PDE9A: variants seen among roughly 807,000 people sequenced by gnomAD.
The protein encoded by PDE9A is phosphodiesterase 9A.
A neutral mutation model predicts 87.4 loss-of-function variants in PDE9A; 60 were observed. The ratio of observed to expected loss-of-function variants is 0.69; its 90% CI spans 0.56 to 0.85. The LOEUF is 0.85. Ranked by LOEUF, PDE9A falls within the 40% of genes least tolerant of loss-of-function variation. PDE9A has a pLI of 0.00. For synonymous variants in PDE9A, 272 were observed against 279.4 expected, an observed-to-expected ratio of 0.97 and a Z score of 0.27; for missense variants, 665 against 779.0, an observed-to-expected ratio of 0.85 and a Z score of 1.74.
At chr21:42,773,403 C>T (rs528905434) in intron 19 of PDE9A, among the ~76,000 whole-genome samples, 4 of 152,254 alleles carry the variant, frequency 2.6e-5, no homozygotes, top group Non-Finnish European at 5.9e-5. Flanking sequence ...AAACTTTTCA[C>T]AAATCACGTG....
intron 2 of PDE9A, among the ~76,000 whole-genome samples, chr21:42,686,746 C>T (rs1020191435): frequency 1.5e-4 from 23 of 152,154 alleles, no homozygotes; most frequent in Admixed American, 8.5e-4. Context: ...ACCCTGGAGG[C>T]AGAGGTTGTA....
At chr21:42,661,406 C>T (rs1448880307) in intron 1 of PDE9A, among the ~76,000 whole-genome samples, 2 of 150,888 alleles carry the variant, frequency 1.3e-5, no homozygotes, top group African/African-American at 4.9e-5. Flanking sequence ...CTCCCCCAGC[C>T]CCTGACCCCC....
intron 3 of PDE9A, chr21:42,689,563 G>A (rs2059673242): frequency 2.0e-6 from 2 of 985,430 alleles, no homozygotes; most frequent in East Asian, 1.1e-4. Flanking sequence ...ATGCCAGCTG[G>A]GTATCTGAGA....
intron 1 of PDE9A, among the ~76,000 whole-genome samples, chr21:42,681,933 AG>A (rs2059186998): frequency 6.6e-6 from 1 of 152,218 alleles, no homozygotes. Context: ...GAGGCAGCCT[AG>A]GGGTCCTCCC....
In PDE9A at chr21:42,653,769, T is replaced by G. The variant is rs1601827237; in HGVS notation, c.-46T>G. 7 of 1,010,102 alleles carry G rather than the reference T, an allele frequency of 6.9e-6. No individual in the cohort carries two copies. The highest frequency in any genetic ancestry group is 1.5e-5 in the South Asian group (1 of 64,724). 62.6% of individuals were successfully genotyped at this position (1,010,102 alleles called of 1,614,324 possible). A position where few individuals can be genotyped will look rare whatever the true frequency, so the allele number is the denominator to read the frequency against. On this transcript the variant is annotated 5_prime_UTR_variant, in exon 1 of 20. Transcript: ENST00000291539. ...CCCCCGCCTCCCGCGGCGGCTGGCG[T>G]CGGGAAAGTACAGTAAAAAGTCCGA...
chr21:42,765,653 A>C, intron 15 of PDE9A, 159 bp downstream of exon 15: 1 of 650,376 alleles, frequency 1.5e-6, no homozygotes, highest in Non-Finnish European at 2.8e-6. Flanking sequence ...TCTTACTAGG[A>C]AAGTCCGGGC....
intron 1 of PDE9A, among the ~76,000 whole-genome samples, chr21:42,668,742 C>T (rs1359976766): frequency 3.9e-5 from 6 of 152,184 alleles, no homozygotes; most frequent in Non-Finnish European, 5.9e-5. Context: ...CAGATGCCGG[C>T]GCGGGGGAAA....
In PDE9A at chr21:42,722,935, G is replaced by T. The variant is rs1028408654; in HGVS notation, c.263-8835G>T. On this transcript the variant is annotated intron_variant, in intron 4 of 19. Transcript: ENST00000291539. This position sits in a 1 kb window ranked among gnomAD's most constrained non-coding sequence, Gnocchi z 4.1. ...CCTGGAAGAAGTGGGCGAGGCAGAG[G>T]CTTGAACTATCCACTCAGACCAAGG... Among the ~76,000 whole-genome samples, 3 of 152,234 alleles carry T rather than the reference G, an allele frequency of 2.0e-5. No individual in the cohort carries two copies. The highest frequency in any genetic ancestry group is 4.4e-5 in the Non-Finnish European group (3 of 68,044).
intron 9 of PDE9A, among the ~76,000 whole-genome samples, chr21:42,753,735 G>T (rs565355306): frequency 1.1e-4 from 17 of 152,022 alleles, no homozygotes; most frequent in Non-Finnish European, 1.9e-4. Context: ...ATGGTGGCGG[G>T]CGCCTGCAGT....
intron 1 of PDE9A, among the ~76,000 whole-genome samples, chr21:42,670,567 TACACAC>T (rs375020882): frequency 4.0e-5 from 6 of 149,074 alleles, no homozygotes; most frequent in Non-Finnish European, 8.9e-5. Flanking sequence ...CATTCACACA[TACACAC>T]ACCACATACA....
rs1197356167 is a variant in PDE9A, at chr21:42,726,624, A to ATTTTTTT, written c.263-5135_263-5129dup. ...TATATATATATATATATATATATAT[A>ATTTTTTT]TTTTTTTTTTTTTTTTTGTAGAGAT... On this transcript the variant is annotated intron_variant, in intron 4 of 19. Transcript: ENST00000291539. Among the ~76,000 whole-genome samples the ATTTTTTT allele has an allele frequency of 1.0e-3, 20 of 19,774 alleles. 2 individuals are homozygous for ATTTTTTT. The highest frequency in any genetic ancestry group is 4.1e-3 in the South Asian group (1 of 246). The allele number at this position is 19,774 out of a possible 152,430, so 13.0% of individuals were successfully genotyped here. A position where few individuals can be genotyped will look rare whatever the true frequency, so the allele number is the denominator to read the frequency against.
intron 4 of PDE9A, among the ~76,000 whole-genome samples, chr21:42,719,171 A>G (rs2050236745): frequency 6.6e-6 from 1 of 151,732 alleles, no homozygotes; most frequent in Non-Finnish European, 1.5e-5. Context: ...GGTAGTTTAT[A>G]CAGAATTTGG....
chr21:42,688,065 G>A, intron 3 of PDE9A, 71 bp downstream of exon 3: 6 of 1,266,976 alleles, frequency 4.7e-6, no homozygotes, highest in Non-Finnish European at 6.9e-6. Flanking sequence ...GGCTTTCTGT[G>A]ATTTTGTAAA....
At chr21:42,712,008 G>T (rs1464639253) in intron 4 of PDE9A, among the ~76,000 whole-genome samples, 1 of 151,902 alleles carries the variant, frequency 6.6e-6, no homozygotes, top group Non-Finnish European at 1.5e-5. Flanking sequence ...CTCTGCATTT[G>T]TTTTGACTGT....
intron 4 of PDE9A, among the ~76,000 whole-genome samples, chr21:42,711,325 A>T (rs2049324831): frequency 6.7e-6 from 1 of 150,126 alleles, no homozygotes; most frequent in Non-Finnish European, 1.5e-5. Flanking sequence ...CGATAAGCTC[A>T]CTGCAACCTC....
rs531427878 is a variant in PDE9A at position 42,705,194 on chromosome 21, G to A, written c.262+6183G>A. Among the ~76,000 whole-genome samples, 2 of 152,254 alleles carry A rather than the reference G, an allele frequency of 1.3e-5. No homozygotes were observed. Among genetic ancestry groups the A allele is most frequent in the East Asian group, 3.9e-4 (2 of 5,162 alleles). ...ATGCTCTCTTCGCCTGATCATGGGAGGGAATCAAATGGATAGAGCATTTAT... is the reference window on the plus strand; with the variant it reads ...ATGCTCTCTTCGCCTGATCATGGGAAGGAATCAAATGGATAGAGCATTTAT... On this transcript the variant is annotated intron_variant, in intron 4 of 19. Coordinates refer to ENST00000291539, the MANE Select transcript of PDE9A (RefSeq NM_002606.3). This position sits in a 1 kb window ranked among gnomAD's most constrained non-coding sequence, Gnocchi z 4.3.
chr21:42,750,572 T>C (rs1181104461), intron 8 of PDE9A, among the ~76,000 whole-genome samples: 1 of 97,906 alleles, frequency 1.0e-5, no homozygotes, highest in East Asian at 4.6e-4. Flanking sequence ...GACTTTTTTT[T>C]CTTTTTTTTT....
At chr21:42,676,300 C>T (rs945400898) in intron 1 of PDE9A, among the ~76,000 whole-genome samples, 5 of 152,206 alleles carry the variant, frequency 3.3e-5, no homozygotes, top group Admixed American at 2.6e-4. Flanking sequence ...TACTTCTGCA[C>T]GATGTTCTTG....
Position 42,660,607 on chromosome 21 carries a change from C to T in PDE9A, c.69+6724C>T, listed in dbSNP as rs568576279. Among the ~76,000 whole-genome samples, 8 of 150,956 alleles carry T rather than the reference C, an allele frequency of 5.3e-5. No individual in the cohort carries two copies. In the South Asian group the frequency reaches 1.7e-3, roughly 32 times the overall value. ...CCATGTAACCAAACACCACCCCTTC[C>T]CCAAACACTATTGGAATTAAAAAAA... On this transcript the variant is annotated intron_variant, in intron 1 of 19. Transcript: ENST00000291539. This position sits in a 1 kb window ranked among gnomAD's most constrained non-coding sequence, Gnocchi z 4.7.
Sources: allele counts gnomAD v4.1 joint callset (sites outside exome capture counted in the v4.1 genomes callset), GRCh38; gene constraint gnomAD v4.1.1; non-coding constraint Gnocchi (gnomAD v3.1); transcripts MANE v1.5; gene names NCBI Gene and HGNC (gene_info 2026-07-23, HGNC 2026-07-21).